LMO7: variants seen among roughly 807,000 people sequenced by gnomAD.
The protein encoded by LMO7 is LIM domain only protein 7.
A neutral mutation model predicts 206.5 loss-of-function variants in LMO7; 120 were observed. That is an observed-to-expected ratio of 0.58 (90% CI 0.50 to 0.68). The LOEUF (loss-of-function observed/expected upper bound fraction) is 0.68. Among genes scored for constraint, LMO7 ranks in the 30% least tolerant of loss-of-function variants. The pLI is 0.00. For synonymous variants in LMO7, 706 were observed against 681.5 expected (o/e 1.04, Z -0.56); for missense variants, 1,959 against 1,957.9 (o/e 1.00, Z -0.01).
intron 1 of LMO7, among the ~76,000 whole-genome samples, chr13:75,640,032 C>T (rs943244043): frequency 6.6e-6 from 1 of 152,126 alleles, no homozygotes; most frequent in South Asian, 2.1e-4. Flanking sequence ...CTGTTCACCA[C>T]CTTTTAACTT....
At chr13:75,715,187 C>T (rs1417320277) in intron 2 of LMO7, among the ~76,000 whole-genome samples, 1 of 152,124 alleles carries the variant, frequency 6.6e-6, no homozygotes, top group Admixed American at 6.5e-5. Context: ...ACTTATGCAC[C>T]AGCCTGGGCT....
chr13:75,807,995 G>C lies in LMO7; in HGVS notation c.1712G>C (p.Ser571Thr). ...LERTCPSKEK[S>T]NSCRILVPSY... is the part of the protein sequence containing the mutation. ...AGGACATGCCCATCCAAAGAAAAAA[G>C]TAATAGCTGTAGAATATTAGTTCCT... The change falls in exon 10 of 31, where the codon AGT becomes ACT. Residue 571 changes from serine to threonine, a missense_variant. Physicochemically the swap from Ser to Thr is moderately conservative, Grantham distance 58. Transcript: ENST00000377534. 6.2e-7 allele frequency: 1 copy of C among 1,613,860 alleles called. No individual in the cohort carries two copies. Among genetic ancestry groups the C allele is most frequent in the African/African-American group, 1.3e-5 (1 of 74,972 alleles).
Position 75,839,727 on chromosome 13 carries a change from C to CTT in LMO7, c.3452-342_3452-341dup, listed in dbSNP as rs35308084. The CTT allele has an allele frequency of 1.4e-3, 205 of 145,606 alleles. 1 individual carries two copies. The highest frequency in any genetic ancestry group is 4.6e-3 in the African/African-American group (175 of 38,446). 9.0% of individuals were successfully genotyped at this position (145,606 alleles called of 1,614,324 possible). Reference sequence around the variant, plus strand: ...GGTAGATGTTGTAACATTTGAAATTCTTTTTTTTTTTTTTTTTCCTGTTAG... The same window carrying CTT: ...GGTAGATGTTGTAACATTTGAAATTCTTTTTTTTTTTTTTTTTTTCCTGTTAG... On this transcript the variant is annotated intron_variant, in intron 20 of 30. Coordinates refer to ENST00000377534, the MANE Select transcript of LMO7 (RefSeq NM_001306080.2).
chr13:75,847,996 A>G (rs2060131246), intron 26 of LMO7, among the ~76,000 whole-genome samples: 1 of 152,080 alleles, frequency 6.6e-6, no homozygotes, highest in Non-Finnish European at 1.5e-5. Context: ...AATTTCAAAT[A>G]CACTTTATTT....
chr13:75,731,812 T>A (rs1431362098), intron 3 of LMO7, among the ~76,000 whole-genome samples: 1 of 152,150 alleles, frequency 6.6e-6, no homozygotes, highest in East Asian at 1.9e-4. Context: ...GGAGCTCTTT[T>A]AGGGCAGGCC....
intron 2 of LMO7, chr13:75,628,505 G>C (rs1368243605): frequency 6.6e-6 from 1 of 152,034 alleles, no homozygotes; most frequent in African/African-American, 2.4e-5. Flanking sequence ...TATTTTTTGT[G>C]GGTAGAAATG....
chr13:75,773,400 A>C (rs2049994058), intron 4 of LMO7, among the ~76,000 whole-genome samples: 1 of 152,156 alleles, frequency 6.6e-6, no homozygotes, highest in Non-Finnish European at 1.5e-5. Flanking sequence ...TAAAATGCTA[A>C]AATCAGAGAC....
intron 13 of LMO7, among the ~76,000 whole-genome samples, chr13:75,820,761 A>G (rs1216580516): frequency 6.6e-6 from 1 of 152,096 alleles, no homozygotes; most frequent in Non-Finnish European, 1.5e-5. Context: ...TTGGGAGGCC[A>G]AGGTGGGCAG....
At chr13:75,698,628 G>T (rs2042061440) in intron 1 of LMO7, among the ~76,000 whole-genome samples, 1 of 150,890 alleles carries the variant, frequency 6.6e-6, no homozygotes, top group African/African-American at 2.4e-5. Flanking sequence ...TCGGGGAGGG[G>T]TAGGCATTTA....
chr13:75,730,372 C>G (rs1462180100), intron 3 of LMO7, among the ~76,000 whole-genome samples: 1 of 152,072 alleles, frequency 6.6e-6, no homozygotes, highest in Non-Finnish European at 1.5e-5. Context: ...TGTATGTGTC[C>G]AGGAATTTAT....
At chr13:75,638,909 A>G (rs1420398843) in intron 1 of LMO7, among the ~76,000 whole-genome samples, 3 of 152,172 alleles carry the variant, frequency 2.0e-5, no homozygotes, top group Non-Finnish European at 4.4e-5. Context: ...CTGCTTGCTG[A>G]TAGTCTTGCT....
At chr13:75,658,518 T>G (rs61958092) in intron 1 of LMO7, among the ~76,000 whole-genome samples, 35,024 of 152,086 alleles carry the variant, frequency 0.23, 4,496 homozygotes, top group Admixed American at 0.36. Flanking sequence ...TTATTTATCA[T>G]ATTAAATCTA....
intron 7 of LMO7, among the ~76,000 whole-genome samples, chr13:75,803,852 C>T (rs1376479872): frequency 6.6e-6 from 1 of 151,796 alleles, no homozygotes; most frequent in African/African-American, 2.4e-5. Flanking sequence ...CCTTCCTGAT[C>T]TCTCTCCTCA....
At chr13:75,710,231 G>A (rs969108238) in intron 1 of LMO7, among the ~76,000 whole-genome samples, 17 of 152,162 alleles carry the variant, frequency 1.1e-4, no homozygotes, top group African/African-American at 2.7e-4. Context: ...GTCAGGTAGC[G>A]TGATACCTCC....
intron 1 of LMO7, chr13:75,688,489 A>T (rs145713431): frequency 1.3e-5 from 2 of 152,374 alleles, no homozygotes; most frequent in Non-Finnish European, 1.5e-5. Context: ...ATTTAACACA[A>T]GCAGGAACAT....
chr13:75,670,659 T>C (rs2039482699), intron 1 of LMO7, among the ~76,000 whole-genome samples: 1 of 152,198 alleles, frequency 6.6e-6, no homozygotes, highest in African/African-American at 2.4e-5. Flanking sequence ...TGAATGGAGC[T>C]TGCAGGACCG....
intron 1 of LMO7, among the ~76,000 whole-genome samples, chr13:75,675,762 A>T (rs1041180521): frequency 6.6e-6 from 1 of 152,182 alleles, no homozygotes; most frequent in African/African-American, 2.4e-5. Flanking sequence ...AATGAGAGTT[A>T]CTTATTTAGT....
In LMO7 at chr13:75,858,046, TA is replaced by T. The variant is rs746752009; in HGVS notation, c.*111del. ...TTGTATGTCTTTTTTGCTTTTTTTTTAAAAAAAAGAATAACTTTTTTTGCCT... is the reference window on the plus strand; with the variant it reads ...TTGTATGTCTTTTTTGCTTTTTTTTTAAAAAAAGAATAACTTTTTTTGCCT... On this transcript the variant is annotated 3_prime_UTR_variant, in exon 31 of 31. Transcript: ENST00000377534. 1.7e-5 allele frequency: 23 copies of T among 1,369,544 alleles called. No homozygotes were observed. The highest frequency in any genetic ancestry group is 8.6e-5 in the Admixed American group (4 of 46,252). The allele number at this position is 1,369,544 out of a possible 1,614,324, so 84.8% of individuals were successfully genotyped here. A position where few individuals can be genotyped will look rare whatever the true frequency, so the allele number is the denominator to read the frequency against.
At chr13:75,710,080 G>C (rs544460449) in intron 1 of LMO7, among the ~76,000 whole-genome samples, 51 of 152,148 alleles carry the variant, frequency 3.4e-4, no homozygotes, top group African/African-American at 7.5e-4. Flanking sequence ...TCTTGTTTTT[G>C]TCAGGTTTGT....
Sources: gnomAD v4.1 joint callset for allele counts (sites outside exome capture counted in the v4.1 genomes callset) on GRCh38, gnomAD v4.1.1 for gene constraint, MANE v1.5 for transcripts, NCBI Gene and HGNC (gene_info 2026-07-23, HGNC 2026-07-21) for gene names.